Variants in PDZD7 observed in about 807,000 individuals in gnomAD.
The protein encoded by PDZD7 is PDZ domain-containing protein 7.
In PDZD7, 72 loss-of-function variants were observed where a neutral mutation model predicts 84.7. The ratio of observed to expected loss-of-function variants is 0.85; its 90% CI spans 0.70 to 1.03. PDZD7 has a LOEUF of 1.03. Ranked by LOEUF, PDZD7 falls within the 50% of genes least tolerant of loss-of-function variation. The pLI, the probability that PDZD7 is intolerant of heterozygous loss-of-function variation, is 0.00. For missense variants in PDZD7, 1,490 were observed against 1,412.9 expected (o/e 1.05, Z -0.87); for synonymous variants, 594 against 580.7 (o/e 1.02, Z -0.33).
intron 16 of PDZD7, 71 bp from the exon 17 acceptor site, chr10:101,008,921 A>G (rs1306124877): frequency 7.0e-7 from 1 of 1,437,336 alleles, no homozygotes; most frequent in Non-Finnish European, 9.1e-7. Flanking sequence ...ACCTGAAGGC[A>G]GCATCTTCTC....
chr10:101,019,925 T>G (rs1234308348), intron 7 of PDZD7, among the ~76,000 whole-genome samples: 1 of 133,414 alleles, frequency 7.5e-6, no homozygotes, highest in Admixed American at 7.7e-5. Flanking sequence ...CGCGCCAGGC[T>G]TTTTTTTTTT....
In PDZD7 at chr10:101,008,826, C is replaced by T. The variant is rs1353314108; in HGVS notation, c.2743G>A (p.Asp915Asn). 4.0e-6 allele frequency: 6 copies of T among 1,511,008 alleles called. No homozygotes were observed. Among genetic ancestry groups the T allele is most frequent in the Non-Finnish European group, 5.3e-6 (6 of 1,130,358 alleles). 93.6% of individuals were successfully genotyped at this position (1,511,008 alleles called of 1,614,324 possible). A position where few individuals can be genotyped will look rare whatever the true frequency, so the allele number is the denominator to read the frequency against. ...GTCACCTGCTCTAGATTCTCTCCGT[C>T]CACTGCCACAAGCTCGAAGCCAGCC... ...LQAGFELVAV[D>N]GENLEQVTHQ... is the part of the protein sequence containing the mutation. The change falls in exon 17 of 17, where the codon GAC (aspartate) becomes AAC (asparagine). Residue 915 changes from aspartate to asparagine, a missense_variant. By Grantham distance (23) the Asp-to-Asn change is conservative. Transcript: ENST00000619208.
At chr10:101,014,027 T>G (rs1475068035) in intron 11 of PDZD7, among the ~76,000 whole-genome samples, 2 of 151,434 alleles carry the variant, frequency 1.3e-5, no homozygotes, top group Non-Finnish European at 2.9e-5. Flanking sequence ...TTTTTTTTTT[T>G]TTTGTATTTT....
At chr10:101,011,884 G>T (rs1467045970) in intron 13 of PDZD7, 41 bp downstream of exon 13, 2 of 1,549,252 alleles carry the variant, frequency 1.3e-6, no homozygotes, top group East Asian at 4.9e-5. Context: ...CCCACCCCCA[G>T]CAGGGCTCAG....
chr10:101,019,849 C>A (rs1852977305), intron 7 of PDZD7, among the ~76,000 whole-genome samples: 1 of 151,496 alleles, frequency 6.6e-6, no homozygotes, highest in African/African-American at 2.4e-5. Flanking sequence ...TGGTCTCGAG[C>A]ACCTGACCTC....
intron 9 of PDZD7, 51 bp from the exon 10 acceptor site, chr10:101,016,478 A>G: frequency 1.3e-6 from 2 of 1,541,500 alleles, no homozygotes; most frequent in Non-Finnish European, 1.8e-6. Flanking sequence ...CAGTCTGAAA[A>G]TGGGGTTCAG....
intron 2 of PDZD7, among the ~76,000 whole-genome samples, chr10:101,028,132 T>G (rs1590077212): frequency 6.6e-6 from 1 of 152,338 alleles, no homozygotes; most frequent in East Asian, 1.9e-4. Flanking sequence ...GGGAGAATTC[T>G]GAGCTCAGAG....
At chr10:101,014,705 A>G (rs1028167302) in intron 11 of PDZD7, among the ~76,000 whole-genome samples, 5 of 140,890 alleles carry the variant, frequency 3.5e-5, no homozygotes, top group African/African-American at 1.3e-4. Context: ...CGCTAGCCAG[A>G]CACGTGCTTG....
At chr10:101,030,414 G>A (rs1030668220) in intron 1 of PDZD7, 30 bp from the exon 2 acceptor site, 1 of 686,794 alleles carries the variant, frequency 1.5e-6, no homozygotes, top group African/African-American at 1.8e-5. Flanking sequence ...ATGAGGGAGG[G>A]GTGTAAATGT....
chr10:101,023,882 G>T (rs770454829), intron 3 of PDZD7, 46 bp downstream of exon 3: 1 of 1,613,822 alleles, frequency 6.2e-7, no homozygotes, highest in Non-Finnish European at 8.5e-7. Context: ...CACTGAGATT[G>T]GAGTCACATC....
rs762000985 is a variant in PDZD7, at chr10:101,010,546, GCGGCTGCGGCTA to G, written c.2331_2342del (p.Arg781_Ser784del). 36 of 1,526,674 alleles carry G rather than the reference GCGGCTGCGGCTA, an allele frequency of 2.4e-5. No homozygotes were observed. The highest frequency in any genetic ancestry group is 1.7e-4 in the Middle Eastern group (1 of 5,940). The allele number at this position is 1,526,674 out of a possible 1,614,324, so 94.6% of individuals were successfully genotyped here. A position where few individuals can be genotyped will look rare whatever the true frequency, so the allele number is the denominator to read the frequency against. On this transcript the variant is annotated inframe_deletion, in exon 15 of 17. Transcript: ENST00000619208. Reference sequence around the variant, plus strand: ...TGCCTTGACCCCGGCTGCTGCGGCTGCGGCTGCGGCTACGGCTGCGGCTACGGCTCTGAGCCC... The same window carrying G: ...TGCCTTGACCCCGGCTGCTGCGGCTGCGGCTGCGGCTACGGCTCTGAGCCC...
chr10:101,014,520 G>A (rs903915824), intron 11 of PDZD7, among the ~76,000 whole-genome samples: 7 of 152,128 alleles, frequency 4.6e-5, no homozygotes, highest in Non-Finnish European at 7.4e-5. Context: ...CCTACTTAGC[G>A]CTGGGAGCTA....
intron 2 of PDZD7, among the ~76,000 whole-genome samples, chr10:101,026,641 A>G (rs1937716521): frequency 6.7e-6 from 1 of 148,564 alleles, no homozygotes; most frequent in Admixed American, 6.9e-5. Flanking sequence ...GGGTTACTCT[A>G]GAGGTGTTTG....
In PDZD7 at chr10:101,008,727, T is replaced by C; in HGVS notation, c.2842A>G (p.Arg948Gly). Residue 948 changes from arginine to glycine, a missense_variant, in exon 17 of 17, where the codon AGG becomes GGG. Transcript: ENST00000619208. ...KAREPMELVV[R>G]VPGPSPRPSP... is the part of the protein sequence containing the mutation. Reference sequence around the variant, plus strand: ...GGCCGTGGGCTGGGCCCGGGGACCCTGACCACAAGCTCCATGGGCTCCCGG... The same window carrying C: ...GGCCGTGGGCTGGGCCCGGGGACCCCGACCACAAGCTCCATGGGCTCCCGG... 1 of 1,535,936 alleles carries C rather than the reference T, an allele frequency of 6.5e-7. No individual in the cohort carries two copies. The highest frequency in any genetic ancestry group is 8.7e-7 in the Non-Finnish European group (1 of 1,146,808).
chr10:101,013,761 C>T (rs1053307704), intron 11 of PDZD7, among the ~76,000 whole-genome samples: 2 of 151,866 alleles, frequency 1.3e-5, no homozygotes, highest in African/African-American at 2.4e-5. Flanking sequence ...AATGTGAGAG[C>T]CAAAGACAAT....
chr10:101,030,163 G>C lies in PDZD7; in HGVS notation c.57C>G (p.Ser19=). 1 of 1,613,850 alleles carries C rather than the reference G, an allele frequency of 6.2e-7. No homozygotes were observed. Among genetic ancestry groups the C allele is most frequent in the Non-Finnish European group, 8.5e-7 (1 of 1,179,954 alleles). The change falls in exon 2 of 17, where the codon TCC becomes TCG. Residue 19 remains serine, a synonymous_variant. Coordinates refer to ENST00000619208, the MANE Select transcript of PDZD7 (RefSeq NM_001195263.2). The stretch of plus-strand genomic sequence containing the variant: ...GGGAGGAGAGGGAGCTCAGAGAGCC[G>C]GAGCTCAGGTCTCCTAGGCCCAGTG... ...FDPLGLGDLS[S]GSLSSLSSRG... is the part of the protein sequence containing the mutation.
rs769641288 is a variant in PDZD7, at chr10:101,018,933, C to G, written c.1213G>C (p.Gly405Arg). ...TAIRSDGPHP[G>R]RRLDSALSES... ...GAGAGCGCAGAGTCAAGGCGGCGGCCGGGATGGGGGCCGTCCGAGCGGATG... is the reference window on the plus strand; with the variant it reads ...GAGAGCGCAGAGTCAAGGCGGCGGCGGGGATGGGGGCCGTCCGAGCGGATG... The change falls in exon 8 of 17, where the codon GGC becomes CGC. Residue 405 changes from glycine to arginine, a missense_variant. By Grantham distance (125) the Gly-to-Arg change is moderately radical. Transcript: ENST00000619208. The G allele has an allele frequency of 1.2e-6, 2 of 1,602,870 alleles. No homozygotes were observed. The highest frequency in any genetic ancestry group is 3.4e-5 in the Admixed American group (2 of 58,360).
At position 101,008,877 on chromosome 10, in the gene PDZD7, C is replaced by T. The variant is rs188777303; in HGVS notation, c.2719-27G>A. 44 of 1,465,998 alleles carry T rather than the reference C, an allele frequency of 3.0e-5. No homozygotes were observed. In the African/African-American group the frequency reaches 4.4e-4, roughly 15 times the overall value. 90.8% of individuals were successfully genotyped at this position (1,465,998 alleles called of 1,614,324 possible). ...TAGGGTGGGGTGAGAGAGTCACATCCCTCCCTCCTCATGTCACCCTGCATC... is the reference window on the plus strand; with the variant it reads ...TAGGGTGGGGTGAGAGAGTCACATCTCTCCCTCCTCATGTCACCCTGCATC... On this transcript the variant is annotated intron_variant, in intron 16 of 16. Transcript: ENST00000619208.
At chr10:101,024,141 G>C in intron 2 of PDZD7, 73 bp from the exon 3 acceptor site, 2 of 1,611,164 alleles carry the variant, frequency 1.2e-6, no homozygotes, top group South Asian at 2.2e-5. Context: ...TCCCCAACTT[G>C]GGGCCTGCAA....
Sources: gnomAD v4.1 joint callset for allele counts (sites outside exome capture counted in the v4.1 genomes callset) on GRCh38, gnomAD v4.1.1 for gene constraint, MANE v1.5 for transcripts, NCBI Gene and HGNC (gene_info 2026-07-23, HGNC 2026-07-21) for gene names.